The following DPYD variants were observed in gnomAD, a reference collection of about 807,000 sequenced individuals.
The protein encoded by DPYD is dihydropyrimidine dehydrogenase [NADP(+)].
In DPYD, 109 loss-of-function variants were observed where a neutral mutation model predicts 116.2. The ratio of observed to expected loss-of-function variants is 0.94; its 90% CI spans 0.80 to 1.10. The LOEUF (loss-of-function observed/expected upper bound fraction) is 1.10. DPYD is among the 50% of genes least tolerant of loss of function. The pLI is 0.00. For missense variants in DPYD, 1,302 were observed against 1,254.5 expected (o/e 1.04, Z -0.57); for synonymous variants, 440 against 432.0 (o/e 1.02, Z -0.23).
At chr1:97,714,655 CAAAA>C (rs1193831747) in intron 5 of DPYD, among the ~76,000 whole-genome samples, 3 of 49,926 alleles carry the variant, frequency 6.0e-5, no homozygotes, top group South Asian at 7.2e-4. Flanking sequence ...AAAGAAAAGA[CAAAA>C]AAAAAAAAAA....
intron 13 of DPYD, among the ~76,000 whole-genome samples, chr1:97,499,471 C>T (rs976566660): frequency 3.3e-5 from 5 of 151,856 alleles, no homozygotes; most frequent in Admixed American, 2.0e-4. Flanking sequence ...AAGATTAATG[C>T]TAAGGCAAAG....
chr1:97,918,131 G>A lies in DPYD; in HGVS notation c.39+2753C>T, dbSNP rs566526290. On this transcript the variant is annotated intron_variant, in intron 1 of 22. Transcript: ENST00000370192. ...CTAAAAGCATATAACTACTATTAAC[G>A]GACTTTAAAATGCTAATCATTTCAT... 1.3e-4 allele frequency among the ~76,000 whole-genome samples: 20 copies of A among 152,128 alleles called. No homozygotes were observed. The South Asian group carries it at 3.9e-3, about 30-fold the overall frequency.
chr1:97,864,539 C>T lies in DPYD; in HGVS notation c.150+18725G>A, dbSNP rs559893225. Among the ~76,000 whole-genome samples the T allele has an allele frequency of 3.3e-5, 5 of 151,814 alleles. No homozygotes were observed. The South Asian group carries it at 1.0e-3, about 31-fold the overall frequency. On this transcript the variant is annotated intron_variant, in intron 2 of 22. Transcript: ENST00000370192. ...CTTTTTTCTCTCTCTCTCCCCTCCTCCCCCCACACCTCTGTAGATAATAAA... is the reference window on the plus strand; with the variant it reads ...CTTTTTTCTCTCTCTCTCCCCTCCTTCCCCCACACCTCTGTAGATAATAAA...
chr1:97,419,678 A>G (rs1037484323), intron 14 of DPYD, among the ~76,000 whole-genome samples: 2 of 152,158 alleles, frequency 1.3e-5, no homozygotes, highest in Non-Finnish European at 2.9e-5. Context: ...TTTTTATACC[A>G]AAAAGATAAT....
intron 15 of DPYD, 25 bp from the exon 16 acceptor site, chr1:97,373,669 A>C (rs751215150): frequency 5.0e-6 from 8 of 1,601,278 alleles, no homozygotes; most frequent in Non-Finnish European, 6.0e-6. Context: ...GGAAAATGAA[A>C]GAAAAGGCAA....
At chr1:97,665,243 A>G (rs1659494497) in intron 8 of DPYD, among the ~76,000 whole-genome samples, 1 of 152,144 alleles carries the variant, frequency 6.6e-6, no homozygotes, top group Non-Finnish European at 1.5e-5. Context: ...CCAATAATGT[A>G]TTTACTTGAC....
chr1:97,434,317 C>A (rs750011471), intron 14 of DPYD, among the ~76,000 whole-genome samples: 7 of 152,002 alleles, frequency 4.6e-5, no homozygotes, highest in Non-Finnish European at 8.8e-5. Flanking sequence ...TTAACAAATG[C>A]AAAGTGAAAT....
At chr1:97,918,167 T>C (rs1253168784) in intron 1 of DPYD, among the ~76,000 whole-genome samples, 1 of 152,208 alleles carries the variant, frequency 6.6e-6, no homozygotes, top group African/African-American at 2.4e-5. Context: ...TGGAAGTGAT[T>C]TTCCTGAGAA....
intron 18 of DPYD, among the ~76,000 whole-genome samples, chr1:97,302,851 T>G (rs1454964473): frequency 1.3e-5 from 2 of 152,060 alleles, no homozygotes; most frequent in South Asian, 2.1e-4. Context: ...TTCACTAAAC[T>G]TGATTGCATA....
intron 4 of DPYD, among the ~76,000 whole-genome samples, chr1:97,736,412 A>G (rs1190148364): frequency 6.6e-6 from 1 of 152,116 alleles, no homozygotes; most frequent in Non-Finnish European, 1.5e-5. Flanking sequence ...CAACAAAAAA[A>G]AAACCCTTTC....
At chr1:97,443,703 A>G (rs1373853168) in intron 14 of DPYD, among the ~76,000 whole-genome samples, 4 of 152,232 alleles carry the variant, frequency 2.6e-5, no homozygotes, top group African/African-American at 9.6e-5. Flanking sequence ...TGCACTAGCC[A>G]TTGCTGGCCT....
chr1:97,485,601 T>C (rs1351041732), intron 13 of DPYD, among the ~76,000 whole-genome samples: 1 of 151,824 alleles, frequency 6.6e-6, no homozygotes, highest in African/African-American at 2.4e-5. Flanking sequence ...ATTTTTCTCT[T>C]CAGCTATTTA....
At chr1:97,408,348 G>A (rs532189947) in intron 14 of DPYD, among the ~76,000 whole-genome samples, 1 of 152,224 alleles carries the variant, frequency 6.6e-6, no homozygotes, top group East Asian at 1.9e-4. Flanking sequence ...TTAAGAACAT[G>A]TTTGTGCATG....
At chr1:97,335,749 T>C (rs1669253971) in intron 16 of DPYD, among the ~76,000 whole-genome samples, 1 of 152,168 alleles carries the variant, frequency 6.6e-6, no homozygotes, top group Non-Finnish European at 1.5e-5. Context: ...CATTTTAAAA[T>C]AACATATGGG....
At chr1:97,780,990 G>A (rs376575256) in intron 3 of DPYD, among the ~76,000 whole-genome samples, 62 of 152,246 alleles carry the variant, frequency 4.1e-4, no homozygotes, top group African/African-American at 1.4e-3. Flanking sequence ...TATTCTAGAA[G>A]CTTCATAATG....
intron 1 of DPYD, among the ~76,000 whole-genome samples, chr1:97,904,611 T>A (rs903374237): frequency 1.3e-5 from 2 of 152,034 alleles, no homozygotes; most frequent in African/African-American, 2.4e-5. Context: ...TACTAACTTT[T>A]GTCTGCCATG....
At chr1:97,675,519 ACTC>A (rs1660095614) in intron 8 of DPYD, among the ~76,000 whole-genome samples, 2 of 152,064 alleles carry the variant, frequency 1.3e-5, no homozygotes, top group South Asian at 4.1e-4. Flanking sequence ...ATTAGAGAAA[ACTC>A]TAAAAATGAG....
At chr1:97,486,792 G>T (rs1678665620) in intron 13 of DPYD, among the ~76,000 whole-genome samples, 1 of 151,800 alleles carries the variant, frequency 6.6e-6, no homozygotes, top group Non-Finnish European at 1.5e-5. Context: ...TAAAACACTA[G>T]GCTACTGAAA....
intron 14 of DPYD, among the ~76,000 whole-genome samples, chr1:97,390,112 T>A (rs547690212): frequency 6.6e-6 from 1 of 152,218 alleles, no homozygotes; most frequent in South Asian, 2.1e-4. Context: ...TCTTGTCAAA[T>A]TCCCATTGAC....
Sources: gnomAD v4.1 joint callset for allele counts (sites outside exome capture counted in the v4.1 genomes callset) on GRCh38, gnomAD v4.1.1 for gene constraint, MANE v1.5 for transcripts, NCBI Gene and HGNC (gene_info 2026-07-23, HGNC 2026-07-21) for gene names.